The following ARID1B variants were observed in gnomAD, a reference collection of about 807,000 sequenced individuals.
ARID1B encodes AT-rich interactive domain-containing protein 1B.
A neutral mutation model predicts 212.3 loss-of-function variants in ARID1B; 30 were observed. That is an observed-to-expected ratio of 0.14 (90% CI 0.11 to 0.19). ARID1B has a LOEUF of 0.19. Ranked by LOEUF, ARID1B falls within the 10% of genes least tolerant of loss-of-function variation. ARID1B has a pLI of 1.00. For missense variants in ARID1B, 2,891 were observed against 3,204.0 expected, an observed-to-expected ratio of 0.90 and a Z score of 2.36; for synonymous variants, 1,402 against 1,301.7, an observed-to-expected ratio of 1.08 and a Z score of -1.66.
At chr6:157,076,141 G>C (rs946013763) in intron 4 of ARID1B, among the ~76,000 whole-genome samples, 4 of 152,194 alleles carry the variant, frequency 2.6e-5, no homozygotes, top group African/African-American at 9.6e-5. Context: ...AAAAAGTTCA[G>C]TGAAGGATGA....
intron 4 of ARID1B, among the ~76,000 whole-genome samples, chr6:156,949,037 C>T (rs968818554): frequency 6.6e-6 from 1 of 152,194 alleles, no homozygotes; most frequent in Non-Finnish European, 1.5e-5. Context: ...ATTCAGGTGG[C>T]ATTGAGTCAC....
Position 157,200,636 on chromosome 6 carries a change from G to A in ARID1B, c.4480-69G>A. 6.7e-7 allele frequency: 1 copy of A among 1,492,378 alleles called. No homozygotes were observed. Among genetic ancestry groups the A allele is most frequent in the South Asian group, 1.3e-5 (1 of 74,772 alleles). 92.4% of individuals were successfully genotyped at this position (1,492,378 alleles called of 1,614,324 possible). On this transcript the variant is annotated intron_variant, in intron 17 of 19. Coordinates refer to ENST00000636930, the MANE Select transcript of ARID1B (RefSeq NM_001374828.1). This position sits in a 1 kb window ranked among gnomAD's most constrained non-coding sequence, Gnocchi z 4.3. ...CATTCTAGCAGGTAATAACTATTTT[G>A]CATAATTTCAGTGTGTGATTATACC...
rs763818779 is a variant in ARID1B at position 156,901,443 on chromosome 6, G to A, written c.2054G>A (p.Ser685Asn). The A allele has an allele frequency of 1.2e-6, 2 of 1,614,096 alleles. No individual in the cohort carries two copies. Among genetic ancestry groups the A allele is most frequent in the Non-Finnish European group, 1.7e-6 (2 of 1,180,028 alleles). Residue 685 changes from serine to asparagine, a missense_variant, in exon 3 of 20, where the codon AGC becomes AAC. By Grantham distance (46) the Ser-to-Asn change is conservative. Around this residue, in one of 7 missense-constraint regions of ARID1B, gnomAD observed 1,643 missense variants for 1,544.0 expected, o/e 1.06. Transcript: ENST00000636930. Reference protein sequence around the residue: ...YCQQGQQPYYSQQPQPPHLPP... With the variant: ...YCQQGQQPYYNQQPQPPHLPP... ...CAGCAGGGCCAACAGCCATATTACA[G>A]CCAGCAGCCGCAGCCCCCGCACCTC...
At chr6:157,078,258 G>A (rs1001687097) in intron 4 of ARID1B, among the ~76,000 whole-genome samples, 1 of 152,140 alleles carries the variant, frequency 6.6e-6, no homozygotes, top group African/African-American at 2.4e-5. Context: ...ATCAGTTGTT[G>A]CTAAAGTCAG....
chr6:156,948,352 A>G (rs773341822), intron 4 of ARID1B, among the ~76,000 whole-genome samples: 1 of 152,060 alleles, frequency 6.6e-6, no homozygotes, highest in Non-Finnish European at 1.5e-5. Flanking sequence ...AGCTGGAACT[A>G]TAGGCGTGTG....
chr6:157,094,853 C>T lies in ARID1B; in HGVS notation c.2491+9948C>T, dbSNP rs533012419. ...GATGGCCGCTTGGATGTGCACATAG[C>T]GGGAGTAGTGGCAGAAGGAGTTTGG... On this transcript the variant is annotated intron_variant, in intron 5 of 19. Coordinates refer to ENST00000636930, the MANE Select transcript of ARID1B (RefSeq NM_001374828.1). This position sits in a 1 kb window ranked among gnomAD's most constrained non-coding sequence, Gnocchi z 4.3. Among the ~76,000 whole-genome samples, 2 of 152,084 alleles carry T rather than the reference C, an allele frequency of 1.3e-5. No homozygotes were observed. Among genetic ancestry groups the T allele is most frequent in the South Asian group, 2.1e-4 (1 of 4,812 alleles).
In ARID1B at chr6:157,208,180, A is replaced by C. The variant is rs2128400149; in HGVS notation, c.*289A>C. 3.4e-6 allele frequency: 1 copy of C among 298,216 alleles called. No individual in the cohort carries two copies. Among genetic ancestry groups the C allele is most frequent in the South Asian group, 1.6e-4 (1 of 6,212 alleles). The allele number at this position is 298,216 out of a possible 1,614,324, so 18.5% of individuals were successfully genotyped here. ...TCAAAGGTCACTTTTTGTTCTTCAC[A>C]GATCTTTTTAATGTTCTTTCCCATG... On this transcript the variant is annotated 3_prime_UTR_variant, in exon 20 of 20. Transcript: ENST00000636930.
At chr6:157,099,842 G>T (rs922226833) in intron 5 of ARID1B, among the ~76,000 whole-genome samples, 4 of 152,262 alleles carry the variant, frequency 2.6e-5, no homozygotes, top group African/African-American at 4.8e-5. Flanking sequence ...CCCTGTGAAC[G>T]GTGCGTGGGA....
chr6:157,097,690 T>C (rs1785746009), intron 5 of ARID1B, among the ~76,000 whole-genome samples: 1 of 152,142 alleles, frequency 6.6e-6, no homozygotes, highest in Admixed American at 6.5e-5. Context: ...AAAAGGCCTG[T>C]CTCTATCCGG....
At chr6:156,859,452 A>G (rs913359210) in intron 2 of ARID1B, among the ~76,000 whole-genome samples, 35 of 152,138 alleles carry the variant, frequency 2.3e-4, no homozygotes, top group African/African-American at 8.5e-4. Context: ...AGGAATGGAG[A>G]GCAGGGAGAG....
At chr6:156,873,868 T>C (rs1471715789) in intron 2 of ARID1B, among the ~76,000 whole-genome samples, 1 of 152,186 alleles carries the variant, frequency 6.6e-6, no homozygotes, top group East Asian at 1.9e-4. Flanking sequence ...GTCTCTCAGC[T>C]GCGGGCCAGC....
At chr6:157,172,812 T>C (rs957641712) in intron 9 of ARID1B, 3 of 152,178 alleles carry the variant, frequency 2.0e-5, no homozygotes, top group Non-Finnish European at 4.4e-5. Flanking sequence ...GCTTTTTTTT[T>C]TTTTCTTGGC....
At chr6:156,914,059 ACC>A (rs1282397575) in intron 3 of ARID1B, among the ~76,000 whole-genome samples, 1 of 84,546 alleles carries the variant, frequency 1.2e-5, no homozygotes, top group Non-Finnish European at 2.3e-5. Flanking sequence ...TGCCAGCCCC[ACC>A]CCAGCCTGTG....
At chr6:156,858,822 A>C (rs1452114777) in intron 2 of ARID1B, among the ~76,000 whole-genome samples, 2 of 152,124 alleles carry the variant, frequency 1.3e-5, no homozygotes, top group Admixed American at 6.5e-5. Flanking sequence ...AATATGTACA[A>C]CTGTTACGGA....
chr6:157,114,515 C>G (rs1242920355), intron 6 of ARID1B, among the ~76,000 whole-genome samples: 1 of 102,114 alleles, frequency 9.8e-6, no homozygotes, highest in Admixed American at 1.2e-4. Flanking sequence ...CAGAGCGACA[C>G]TCCGTCTCAA....
At chr6:156,861,787 T>C (rs557557247) in intron 2 of ARID1B, among the ~76,000 whole-genome samples, 27 of 152,226 alleles carry the variant, frequency 1.8e-4, no homozygotes, top group African/African-American at 6.5e-4. Flanking sequence ...AAGTCTGTAC[T>C]CTAGAAGGCT....
intron 4 of ARID1B, among the ~76,000 whole-genome samples, chr6:156,990,598 A>G (rs1296481104): frequency 6.6e-6 from 1 of 152,118 alleles, no homozygotes; most frequent in Non-Finnish European, 1.5e-5. Flanking sequence ...CCGAGATCGC[A>G]CCACTGCACT....
intron 6 of ARID1B, among the ~76,000 whole-genome samples, chr6:157,125,087 T>C (rs1397650511): frequency 2.0e-5 from 3 of 152,116 alleles, no homozygotes; most frequent in Non-Finnish European, 4.4e-5. Context: ...GTGTCCAGGG[T>C]AGGGCGGCAG....
intron 1 of ARID1B, among the ~76,000 whole-genome samples, chr6:156,807,342 G>A (rs2127968715): frequency 6.6e-6 from 1 of 152,114 alleles, no homozygotes; most frequent in African/African-American, 2.4e-5. Flanking sequence ...GTTCTCTGTT[G>A]TGTTTTGGTT....
Sources: allele counts gnomAD v4.1 joint callset (sites outside exome capture counted in the v4.1 genomes callset), GRCh38; gene constraint gnomAD v4.1.1; regional missense constraint gnomAD v4.1.1; non-coding constraint Gnocchi (gnomAD v3.1); transcripts MANE v1.5; gene names NCBI Gene and HGNC (gene_info 2026-07-23, HGNC 2026-07-21).